Variants in GRIN2D observed in about 807,000 individuals in gnomAD.
The protein encoded by GRIN2D is glutamate receptor ionotropic, NMDA 2D.
A neutral mutation model predicts 103.2 loss-of-function variants in GRIN2D; 37 were observed. The observed-to-expected ratio is 0.36, with a 90% CI of 0.28 to 0.47. The LOEUF (loss-of-function observed/expected upper bound fraction) is 0.47. Ranked by LOEUF, GRIN2D falls within the 20% of genes least tolerant of loss-of-function variation. GRIN2D has a pLI of 1.00. For missense variants in GRIN2D, 1,557 were observed against 1,910.6 expected, an observed-to-expected ratio of 0.81 and a Z score of 3.45; for synonymous variants, 845 against 885.6, an observed-to-expected ratio of 0.95 and a Z score of 0.81.
Position 48,442,927 on chromosome 19 carries a change from C to A in GRIN2D, c.3001C>A (p.Gln1001Lys). ...GTCCCCGCCGGCCGCTCAGCCCCCG[C>A]AGAAGCCGCCGCCCTCCTATTTCGC... ...PLSPPAAQPP[Q>K]KPPPSYFAIV... The change falls in exon 14 of 14, where the codon CAG becomes AAG. Residue 1001 changes from glutamine to lysine, a missense_variant. Gln to Lys is a moderately conservative substitution (Grantham distance 53). This residue lies in a region of GRIN2D where 632 missense variants were observed against 572.8 expected (regional missense o/e 1.10). Transcript: ENST00000263269. The surrounding 1 kb of genome is among the most constrained non-coding windows in gnomAD (Gnocchi z 7.2). 1.8e-6 allele frequency: 2 copies of A among 1,130,390 alleles called. No homozygotes were observed. The highest frequency in any genetic ancestry group is 2.7e-5 in the South Asian group (1 of 36,492). The allele number at this position is 1,130,390 out of a possible 1,614,324, so 70.0% of individuals were successfully genotyped here.
chr19:48,406,871 T>TA (rs1463361269), intron 4 of GRIN2D, among the ~76,000 whole-genome samples: 2 of 152,056 alleles, frequency 1.3e-5, no homozygotes, highest in African/African-American at 2.4e-5. Context: ...ATTGGAAAAA[T>TA]AAACACACAG....
chr19:48,435,149 G>T (rs1357548435), intron 11 of GRIN2D, among the ~76,000 whole-genome samples: 2 of 152,096 alleles, frequency 1.3e-5, no homozygotes, highest in Non-Finnish European at 2.9e-5. Context: ...GAGGCTAGAA[G>T]GTCAAAATCA....
rs991892862 is a variant in GRIN2D at position 48,443,148 on chromosome 19, A to AGGCGCGGGC, written c.3231_3239dup (p.Ala1079_Gly1081dup). The AGGCGCGGGC allele has an allele frequency of 1.0e-6, 1 of 993,008 alleles. No homozygotes were observed. The highest frequency in any genetic ancestry group is 1.8e-5 in the African/African-American group (1 of 56,250). 61.5% of individuals were successfully genotyped at this position (993,008 alleles called of 1,614,324 possible). A position where few individuals can be genotyped will look rare whatever the true frequency, so the allele number is the denominator to read the frequency against. Reference sequence around the variant, plus strand: ...CCGAGAGCCAACCCCTGCTGGGGCCAGGCGCGGGCGGCGCGGGGGGCACGG... The same window carrying AGGCGCGGGC: ...CCGAGAGCCAACCCCTGCTGGGGCCAGGCGCGGGCGGCGCGGGCGGCGCGGGGGGCACGG... On this transcript the variant is annotated inframe_insertion, in exon 14 of 14. Transcript: ENST00000263269. The surrounding 1 kb of genome is among the most constrained non-coding windows in gnomAD (Gnocchi z 8.9).
chr19:48,443,859 C>T lies in GRIN2D; in HGVS notation c.3933C>T (p.Ser1311=), dbSNP rs1204895496. The change falls in exon 14 of 14, where the codon TCC becomes TCT. Residue 1311 remains serine, a synonymous_variant. Transcript: ENST00000263269. This position sits in a 1 kb window ranked among gnomAD's most constrained non-coding sequence, Gnocchi z 8.9. ...AHWGPPLPTA[S]HRRHRGGDLG... is the part of the protein sequence containing the mutation. Reference sequence around the variant, plus strand: ...GGGGGCCGCCGCTGCCCACAGCTTCCCACCGGAGACACCGGGGCGGGGACC... The same window carrying T: ...GGGGGCCGCCGCTGCCCACAGCTTCTCACCGGAGACACCGGGGCGGGGACC... The T allele has an allele frequency of 6.7e-7, 1 of 1,485,412 alleles. No individual in the cohort carries two copies. The highest frequency in any genetic ancestry group is 2.9e-5 in the East Asian group (1 of 34,414). The allele number at this position is 1,485,412 out of a possible 1,614,324, so 92.0% of individuals were successfully genotyped here.
intron 4 of GRIN2D, among the ~76,000 whole-genome samples, chr19:48,408,150 G>C (rs908227383): frequency 2.0e-5 from 3 of 151,778 alleles, no homozygotes; most frequent in East Asian, 1.9e-4. Flanking sequence ...CTGGCTAACA[G>C]GGTGAAACCC....
chr19:48,412,907 G>A (rs377261135), intron 4 of GRIN2D, among the ~76,000 whole-genome samples: 2,243 of 148,102 alleles, frequency 0.015, 41 homozygotes, highest in African/African-American at 0.053. Flanking sequence ...GAGGCAGGTG[G>A]ATCACTGAGG....
At chr19:48,412,435 A>AAGAT (rs1489120298) in intron 4 of GRIN2D, among the ~76,000 whole-genome samples, 1 of 143,628 alleles carries the variant, frequency 7.0e-6, no homozygotes, top group Non-Finnish European at 1.5e-5. Flanking sequence ...GAAAGAAAGA[A>AAGAT]AGAAAGAAAG....
intron 11 of GRIN2D, among the ~76,000 whole-genome samples, chr19:48,438,579 T>G (rs1300269535): frequency 1.3e-5 from 2 of 151,912 alleles, no homozygotes; most frequent in Admixed American, 1.3e-4. Flanking sequence ...ATTACAGGCA[T>G]TAGCCACCGT....
intron 4 of GRIN2D, among the ~76,000 whole-genome samples, chr19:48,411,513 G>A (rs1182440914): frequency 6.6e-6 from 1 of 151,952 alleles, no homozygotes; most frequent in African/African-American, 2.4e-5. Context: ...GGCAGGCGCG[G>A]TGGTGCTTGC....
At chr19:48,438,322 G>A (rs1016593438) in intron 11 of GRIN2D, among the ~76,000 whole-genome samples, 3 of 75,764 alleles carry the variant, frequency 4.0e-5, no homozygotes, top group South Asian at 5.8e-4. Context: ...TTTTTGAGAC[G>A]GAGTCTTGCT....
chr19:48,418,765 A>C (rs1010837150), intron 8 of GRIN2D, among the ~76,000 whole-genome samples: 1 of 152,040 alleles, frequency 6.6e-6, no homozygotes, highest in Non-Finnish European at 1.5e-5. Flanking sequence ...TGGGCTCAGC[A>C]TGGGACATGA....
At chr19:48,432,800 C>G (rs1311330497) in intron 11 of GRIN2D, among the ~76,000 whole-genome samples, 1 of 143,948 alleles carries the variant, frequency 6.9e-6, no homozygotes, top group African/African-American at 2.6e-5. Flanking sequence ...TTTCATTTTG[C>G]TTTTTTTTGA....
Position 48,414,877 on chromosome 19 carries a change from G to A in GRIN2D, c.1426G>A (p.Ala476Thr), listed in dbSNP as rs201139344. The A allele has an allele frequency of 6.0e-5, 97 of 1,614,050 alleles. No homozygotes were observed. The Admixed American group carries it at 9.5e-4, about 16-fold the overall frequency. Residue 476 changes from alanine to threonine, a missense_variant, in exon 7 of 14, where the codon GCC (alanine) becomes ACC (threonine). Transcript: ENST00000263269. The surrounding 1 kb of genome is among the most constrained non-coding windows in gnomAD (Gnocchi z 4.6). ...LNRTHSPPPD[A>T]PRPEKRCCKG... ...CACTGCCCGCAGCCCTCCACCGGAT[G>A]CCCCCCGCCCGGAAAAGCGCTGCTG... is the stretch of plus-strand genomic sequence containing the variant.
rs1442089951 is a variant in GRIN2D at position 48,443,499 on chromosome 19, G to A, written c.3573G>A (p.Pro1191=). The A allele has an allele frequency of 7.4e-7, 1 of 1,358,730 alleles. No homozygotes were observed. Among genetic ancestry groups the A allele is most frequent in the Non-Finnish European group, 9.5e-7 (1 of 1,056,090 alleles). The allele number at this position is 1,358,730 out of a possible 1,614,324, so 84.2% of individuals were successfully genotyped here. Residue 1191 remains proline (P), a synonymous_variant, in exon 14 of 14, where the codon CCG becomes CCA. Coordinates refer to ENST00000263269, the MANE Select transcript of GRIN2D (RefSeq NM_000836.4). This position sits in a 1 kb window ranked among gnomAD's most constrained non-coding sequence, Gnocchi z 8.9. ...GCGCCAGCCTGGAGCTGCTGCCGCCGCCGCGCCATCTCAGCTGCTCGCACG... is the reference window on the plus strand; with the variant it reads ...GCGCCAGCCTGGAGCTGCTGCCGCCACCGCGCCATCTCAGCTGCTCGCACG... The part of the protein sequence containing the change: ...RHCASLELLP[P]PRHLSCSHDG...
intron 11 of GRIN2D, among the ~76,000 whole-genome samples, chr19:48,426,219 TC>T (rs1971083431): frequency 6.8e-6 from 1 of 146,224 alleles, no homozygotes; most frequent in African/African-American, 2.7e-5. Context: ...TTTCTTTCTT[TC>T]TTTCTTTTTT....
chr19:48,442,157 C>G lies in GRIN2D; in HGVS notation c.2448C>G (p.Ile816Met), dbSNP rs1233138045. Residue 816 changes from isoleucine (I) to methionine (M), a missense_variant, in exon 13 of 14, where the codon ATC becomes ATG. Transcript: ENST00000263269. This position sits in a 1 kb window ranked among gnomAD's most constrained non-coding sequence, Gnocchi z 7.2. ...TTGACCGCCCCTCCCTAGATGAGAT[C>G]GAGATGCTGGAGCGGCTGTGGCTCT... is the stretch of plus-strand genomic sequence containing the variant. Reference protein sequence around the residue: ...ALLQFLGDDEIEMLERLWLSG... With the variant: ...ALLQFLGDDEMEMLERLWLSG... 3.1e-6 allele frequency: 5 copies of G among 1,613,926 alleles called. No homozygotes were observed. The highest frequency in any genetic ancestry group is 2.7e-5 in the African/African-American group (2 of 74,916).
chr19:48,430,619 T>C (rs1971144420), intron 11 of GRIN2D, among the ~76,000 whole-genome samples: 1 of 151,960 alleles, frequency 6.6e-6, no homozygotes, highest in Admixed American at 6.6e-5. Flanking sequence ...CTGGTCTATT[T>C]TTCTTGAGGT....
At position 48,429,265 on chromosome 19, in the gene GRIN2D, A is replaced by G. The variant is rs369623192; in HGVS notation, c.2252+7320A>G. On this transcript the variant is annotated intron_variant, in intron 11 of 13. Transcript: ENST00000263269. ...TTGGGAGTCAAGGTCGCACTCTGTC[A>G]CCCAGGCTGGAGTGCAGTGGCATAG... Among the ~76,000 whole-genome samples the G allele has an allele frequency of 9.2e-5, 14 of 152,174 alleles. No homozygotes were observed. In the East Asian group the frequency reaches 2.5e-3, roughly 27 times the overall value.
chr19:48,402,059 C>T (rs1363814556), intron 3 of GRIN2D, among the ~76,000 whole-genome samples: 1 of 150,902 alleles, frequency 6.6e-6, no homozygotes, highest in African/African-American at 2.4e-5. Context: ...GAGATCTCGC[C>T]ACTGCATTCC....
Sources: allele counts gnomAD v4.1 joint callset (sites outside exome capture counted in the v4.1 genomes callset), GRCh38; gene constraint gnomAD v4.1.1; regional missense constraint gnomAD v4.1.1; non-coding constraint Gnocchi (gnomAD v3.1); transcripts MANE v1.5; gene names NCBI Gene and HGNC (gene_info 2026-07-23, HGNC 2026-07-21).